Variants in ERG observed in about 807,000 individuals in gnomAD.
The protein encoded by ERG is ETS transcription factor ERG.
ERG carries 9 observed loss-of-function variants against 55.3 expected under a neutral mutation model. That is an observed-to-expected ratio of 0.16 (90% CI 0.10 to 0.28). The LOEUF (loss-of-function observed/expected upper bound fraction) is 0.28. Among genes scored for constraint, ERG ranks in the 10% least tolerant of loss-of-function variants. The probability of loss-of-function intolerance (pLI) is 1.00; values close to 1 mark genes in which losing one functional copy is unlikely to be tolerated. For missense variants in ERG, 434 were observed against 631.6 expected, an observed-to-expected ratio of 0.69 and a Z score of 3.35; for synonymous variants, 223 against 237.3, an observed-to-expected ratio of 0.94 and a Z score of 0.55.
chr21:38,460,586 A>G lies in ERG; in HGVS notation c.19-14965T>C, dbSNP rs1189412060. Among the ~76,000 whole-genome samples, 1 of 152,198 alleles carries G rather than the reference A, an allele frequency of 6.6e-6. No individual in the cohort carries two copies. Among genetic ancestry groups the G allele is most frequent in the African/African-American group, 2.4e-5 (1 of 41,444 alleles). ...CATCATCACATGCAGAAACTCTGGG[A>G]ACTGAGAATCTGTACTTTTCATTCA... On this transcript the variant is annotated intron_variant, in intron 1 of 9. Coordinates refer to ENST00000288319, the MANE Select transcript of ERG (RefSeq NM_182918.4). The surrounding 1 kb of genome is among the most constrained non-coding windows in gnomAD (Gnocchi z 5.0).
intron 2 of ERG, among the ~76,000 whole-genome samples, chr21:38,534,565 A>G (rs2059695942): frequency 6.6e-6 from 1 of 152,194 alleles, no homozygotes; most frequent in African/African-American, 2.4e-5. Context: ...AAAAAATTAA[A>G]AATAACAATG....
intron 1 of ERG, among the ~76,000 whole-genome samples, chr21:38,597,640 C>T (rs918021010): frequency 1.4e-4 from 21 of 152,112 alleles, no homozygotes; most frequent in Non-Finnish European, 2.5e-4. Context: ...TGAGCTTGGA[C>T]AGGGCTGTCA....
intron 3 of ERG, among the ~76,000 whole-genome samples, chr21:38,407,898 A>G (rs950518530): frequency 4.1e-5 from 6 of 144,872 alleles, no homozygotes; most frequent in Non-Finnish European, 9.1e-5. Context: ...TATATAGAAT[A>G]TATACTTACA....
At chr21:38,630,239 A>G (rs2060349016) in intron 1 of ERG, among the ~76,000 whole-genome samples, 1 of 152,210 alleles carries the variant, frequency 6.6e-6, no homozygotes, top group Non-Finnish European at 1.5e-5. Flanking sequence ...ATATTCTTAA[A>G]AATAGATAAA....
intron 2 of ERG, among the ~76,000 whole-genome samples, chr21:38,520,874 C>A (rs9305652): frequency 3.3e-5 from 5 of 152,000 alleles, no homozygotes; most frequent in South Asian, 2.1e-4. Context: ...GAGAGCAGAT[C>A]GGGATTTGTA....
chr21:38,518,246 AT>A (rs1272256963), intron 2 of ERG, among the ~76,000 whole-genome samples: 6 of 133,514 alleles, frequency 4.5e-5, no homozygotes, highest in Admixed American at 4.3e-4. Flanking sequence ...GTATCTATCT[AT>A]CTATCTATCT....
At chr21:38,504,391 T>C (rs368893994) in intron 2 of ERG, among the ~76,000 whole-genome samples, 3 of 152,370 alleles carry the variant, frequency 2.0e-5, no homozygotes, top group East Asian at 1.9e-4. Flanking sequence ...TGCAGGAATA[T>C]TAAAACCATT....
intron 1 of ERG, among the ~76,000 whole-genome samples, chr21:38,465,788 C>T (rs768237651): frequency 1.2e-4 from 19 of 152,184 alleles, no homozygotes; most frequent in Non-Finnish European, 2.2e-4. Context: ...CGTGCAATGA[C>T]GGCCCTAACC....
chr21:38,528,077 T>C (rs2059642960), intron 2 of ERG, among the ~76,000 whole-genome samples: 1 of 152,218 alleles, frequency 6.6e-6, no homozygotes, highest in Non-Finnish European at 1.5e-5. Flanking sequence ...TTCTGGGGGC[T>C]GCTGCAGTCT....
intron 2 of ERG, among the ~76,000 whole-genome samples, chr21:38,516,966 C>T (rs1219996449): frequency 6.6e-6 from 1 of 152,002 alleles, no homozygotes; most frequent in Non-Finnish European, 1.5e-5. Context: ...AAAATCAACT[C>T]AAGGTAGATG....
At chr21:38,661,000 G>A (rs2060551835) in intron 1 of ERG, among the ~76,000 whole-genome samples, 2 of 152,048 alleles carry the variant, frequency 1.3e-5, no homozygotes, top group South Asian at 4.2e-4. Context: ...GGGAGGAAGA[G>A]GAGGAGGAAG....
At chr21:38,532,056 C>T (rs1888472) in intron 2 of ERG, among the ~76,000 whole-genome samples, 106,188 of 152,082 alleles carry the variant, frequency 0.7, 37,119 homozygotes, top group Middle Eastern at 0.78. Context: ...AATCAAGATT[C>T]AGTATTTCCT....
chr21:38,645,622 A>T (rs1178930420), intron 1 of ERG, among the ~76,000 whole-genome samples: 1 of 152,246 alleles, frequency 6.6e-6, no homozygotes, highest in Non-Finnish European at 1.5e-5. Flanking sequence ...TATCTGTAAG[A>T]TGATTCAAAA....
At chr21:38,441,916 C>T (rs1387288347) in intron 2 of ERG, among the ~76,000 whole-genome samples, 2 of 152,200 alleles carry the variant, frequency 1.3e-5, no homozygotes, top group East Asian at 1.9e-4. Context: ...CCGACATCAC[C>T]GAACCCACCG....
chr21:38,565,825 G>T (rs549417353), intron 2 of ERG, among the ~76,000 whole-genome samples: 1 of 152,286 alleles, frequency 6.6e-6, no homozygotes, highest in South Asian at 2.1e-4. Context: ...TCAGCCACGG[G>T]AATGGAAGCT....
At position 38,636,908 on chromosome 21, in the gene ERG, A is replaced by T. The variant is rs551825456; in HGVS notation, c.-150+24750T>A. 2.0e-5 allele frequency among the ~76,000 whole-genome samples: 3 copies of T among 152,340 alleles called. No homozygotes were observed. The South Asian group carries it at 6.2e-4, about 32-fold the overall frequency. ...TAGGTAATACAACAAACTGTCAAAA[A>T]GGAAGAGGCGAACACTGTTACAGTT... On this transcript the variant is annotated intron_variant, in intron 1 of 10. Transcript: ENST00000398910.
intron 1 of ERG, among the ~76,000 whole-genome samples, chr21:38,618,561 G>A (rs1482525104): frequency 6.6e-6 from 1 of 152,102 alleles, no homozygotes; most frequent in Non-Finnish European, 1.5e-5. Flanking sequence ...GGTTGGGGGG[G>A]AACAACTTTA....
chr21:38,533,695 C>G (rs2059688436), intron 2 of ERG, among the ~76,000 whole-genome samples: 2 of 152,084 alleles, frequency 1.3e-5, no homozygotes, highest in South Asian at 4.1e-4. Flanking sequence ...CATTGCAATA[C>G]CTCATTAAAA....
At chr21:38,369,280 T>A in the ERG span, among the ~76,000 whole-genome samples, 1 of 152,160 alleles carries the variant, frequency 6.6e-6, no homozygotes, top group African/African-American at 2.4e-5. Flanking sequence ...CAGCATCTGT[T>A]ATTTTTTGAC....
Sources: gnomAD v4.1 joint callset for allele counts (sites outside exome capture counted in the v4.1 genomes callset) on GRCh38, gnomAD v4.1.1 for gene constraint, Gnocchi (gnomAD v3.1) non-coding constraint, MANE v1.5 for transcripts, NCBI Gene and HGNC (gene_info 2026-07-23, HGNC 2026-07-21) for gene names.